Variants in SLC6A3 observed in about 807,000 individuals in gnomAD.
The protein encoded by SLC6A3 is solute carrier family 6 member 3, also known as sodium-dependent dopamine transporter.
In SLC6A3, 19 loss-of-function variants were observed where a neutral mutation model predicts 70.4. That is an observed-to-expected ratio of 0.27 (90% CI 0.19 to 0.40). The LOEUF is 0.40. SLC6A3 is among the 10% of genes least tolerant of loss of function. The probability of loss-of-function intolerance (pLI) is 1.00; values close to 1 mark genes in which losing one functional copy is unlikely to be tolerated. For missense variants in SLC6A3, 613 were observed against 838.5 expected (o/e 0.73, Z 3.32); for synonymous variants, 368 against 356.6 (o/e 1.03, Z -0.36).
At chr5:1,429,473 A>T (rs1212466429) in intron 4 of SLC6A3, among the ~76,000 whole-genome samples, 2 of 152,218 alleles carry the variant, frequency 1.3e-5, no homozygotes, top group African/African-American at 4.8e-5. Context: ...GAGAACTTCC[A>T]AATAGACTTC....
rs528215784 is a variant in SLC6A3 at position 1,422,399 on chromosome 5, C to T, written c.654-385G>A. On this transcript the variant is annotated intron_variant, in intron 4 of 14. Transcript: ENST00000270349. ...AGTGCTGCCCAAGGTGCTGGGTGCC[C>T]ACCGCTGCCCACGGTGCTGCCCACG... Among the ~76,000 whole-genome samples the T allele has an allele frequency of 2.7e-5, 4 of 147,386 alleles. No homozygotes were observed. The East Asian group carries it at 5.9e-4, about 22-fold the overall frequency.
Position 1,443,226 on chromosome 5 carries a change from G to A in SLC6A3, c.-29C>T, listed in dbSNP as rs1421466516. On this transcript the variant is annotated 5_prime_UTR_variant, in exon 2 of 15. Transcript: ENST00000270349. ...CACACTGGGAGTTGAGGAATTCTGT[G>A]CTTCTTCCCTCTTGGTCTTCAGCCA... 2.5e-6 allele frequency: 4 copies of A among 1,612,370 alleles called. No individual in the cohort carries two copies. The East Asian group carries it at 6.7e-5, about 27-fold the overall frequency.
At position 1,394,288 on chromosome 5, in the gene SLC6A3, A is replaced by G. The variant is rs1579694841; in HGVS notation, c.*447T>C. ...ACCAAGCAGGACACTTGGCTTTTTA[A>G]TATGGGCAAAGTAAATGGTCTAGGA... On this transcript the variant is annotated 3_prime_UTR_variant, in exon 15 of 15. Transcript: ENST00000270349. This position sits in a 1 kb window ranked among gnomAD's most constrained non-coding sequence, Gnocchi z 4.7. 4.3e-6 allele frequency: 1 copy of G among 233,246 alleles called. No individual in the cohort carries two copies. Among genetic ancestry groups the G allele is most frequent in the East Asian group, 9.8e-5 (1 of 10,166 alleles). The allele number at this position is 233,246 out of a possible 1,614,324, so 14.4% of individuals were successfully genotyped here.
intron 9 of SLC6A3, among the ~76,000 whole-genome samples, chr5:1,410,982 A>G (rs1756107823): frequency 6.6e-6 from 1 of 152,064 alleles, no homozygotes; most frequent in Non-Finnish European, 1.5e-5. Flanking sequence ...GCACATTTCC[A>G]GGATCTGTAG....
intron 6 of SLC6A3, chr5:1,416,572 C>G: frequency 3.4e-6 from 1 of 292,956 alleles, no homozygotes; most frequent in Non-Finnish European, 6.6e-6. Flanking sequence ...ACAGCACGGC[C>G]TCATCTACAC....
chr5:1,424,492 A>C (rs902713038), intron 4 of SLC6A3, among the ~76,000 whole-genome samples: 1 of 152,176 alleles, frequency 6.6e-6, no homozygotes, highest in Admixed American at 6.5e-5. Context: ...TGACCCCAGC[A>C]TGCCACCCGC....
At chr5:1,433,057 A>G (rs995494068) in intron 3 of SLC6A3, among the ~76,000 whole-genome samples, 1 of 151,786 alleles carries the variant, frequency 6.6e-6, no homozygotes. Context: ...CACCAAGGTC[A>G]CCCCCAGCCA....
chr5:1,400,188 G>A (rs1325238441), intron 14 of SLC6A3, among the ~76,000 whole-genome samples: 1 of 152,244 alleles, frequency 6.6e-6, no homozygotes, highest in African/African-American at 2.4e-5. Context: ...GGAGGACAGT[G>A]CCACAGGCCC....
rs1004511657 is a variant in SLC6A3, at chr5:1,424,796, G to A, written c.654-2782C>T. On this transcript the variant is annotated intron_variant, in intron 4 of 14. Coordinates refer to ENST00000270349, the MANE Select transcript of SLC6A3 (RefSeq NM_001044.5). ...GACACACTGGGTCGAGCCCCTTCTC[G>A]AGATTAGAAAGTCACTGTGCTTTGA... Among the ~76,000 whole-genome samples, 38 of 152,218 alleles carry A rather than the reference G, an allele frequency of 2.5e-4. 1 individual carries two copies. The highest frequency in any genetic ancestry group is 4.1e-4 in the South Asian group (2 of 4,832).
chr5:1,403,153 G>A (rs188163548), intron 12 of SLC6A3, 64 bp from the exon 13 acceptor site: 1 of 1,564,604 alleles, frequency 6.4e-7, no homozygotes, highest in African/African-American at 1.4e-5. Flanking sequence ...AAAGCAGGGA[G>A]CGGGCAGGCA....
Position 1,423,030 on chromosome 5 carries a change from A to G in SLC6A3, c.654-1016T>C, listed in dbSNP as rs147287979. Among the ~76,000 whole-genome samples, 39 of 36,800 alleles carry G rather than the reference A, an allele frequency of 1.1e-3. 2 individuals carry two copies. The highest frequency in any genetic ancestry group is 2.8e-3 in the Admixed American group (8 of 2,906). 24.1% of individuals were successfully genotyped at this position (36,800 alleles called of 152,430 possible). On this transcript the variant is annotated intron_variant, in intron 4 of 14. Coordinates refer to ENST00000270349, the MANE Select transcript of SLC6A3 (RefSeq NM_001044.5). ...CCCAGTGCTGCCCAAGGTGCTGGGT[A>G]CCCACCACTGCCCACAGTACTGCCC...
intron 4 of SLC6A3, among the ~76,000 whole-genome samples, chr5:1,430,774 G>A (rs1235995131): frequency 3.8e-5 from 1 of 26,406 alleles, no homozygotes; most frequent in East Asian, 6.5e-4. Context: ...TCCCCCAGCA[G>A]AGGCGAGGTG....
chr5:1,423,700 C>T (rs1277538168), intron 4 of SLC6A3, among the ~76,000 whole-genome samples: 2 of 152,214 alleles, frequency 1.3e-5, no homozygotes, highest in African/African-American at 4.8e-5. Flanking sequence ...GGAACTCATT[C>T]CATCCTGGTG....
In SLC6A3 at chr5:1,406,380, C is replaced by T. The variant is rs1415654824; in HGVS notation, c.1499-92G>A. On this transcript the variant is annotated intron_variant, in intron 11 of 14. Coordinates refer to ENST00000270349, the MANE Select transcript of SLC6A3 (RefSeq NM_001044.5). The surrounding 1 kb of genome is among the most constrained non-coding windows in gnomAD (Gnocchi z 8.8). Reference sequence around the variant, plus strand: ...GGGGGTCCTCGCTGACTCCCAAGGGCCCCACCTACCGGCCCCAGGCTTCGG... The same window carrying T: ...GGGGGTCCTCGCTGACTCCCAAGGGTCCCACCTACCGGCCCCAGGCTTCGG... 12 of 1,091,956 alleles carry T rather than the reference C, an allele frequency of 1.1e-5. No individual in the cohort carries two copies. The highest frequency in any genetic ancestry group is 1.6e-5 in the Non-Finnish European group (11 of 707,840). The allele number at this position is 1,091,956 out of a possible 1,614,324, so 67.6% of individuals were successfully genotyped here. A position where few individuals can be genotyped will look rare whatever the true frequency, so the allele number is the denominator to read the frequency against.
At chr5:1,434,615 G>A (rs1400224672) in intron 3 of SLC6A3, among the ~76,000 whole-genome samples, 1 of 134,576 alleles carries the variant, frequency 7.4e-6, no homozygotes, top group Non-Finnish European at 1.5e-5. Context: ...TAAGCTCCAG[G>A]AAGAATTTTT....
chr5:1,422,028 T>C lies in SLC6A3; in HGVS notation c.654-14A>G. On this transcript the variant is annotated splice_polypyrimidine_tract_variant and intron_variant, in intron 4 of 14. Transcript: ENST00000270349. ...AGCACGCCACGTCTGCAGAGGGGAG[T>C]CAGCGGGGGACTCTGTGGGTGGCTG... is the stretch of plus-strand genomic sequence containing the variant. The C allele has an allele frequency of 6.2e-7, 1 of 1,608,338 alleles. No individual in the cohort carries two copies.
Position 1,404,874 on chromosome 5 carries a change from G to C in SLC6A3, c.1599+1314C>G, listed in dbSNP as rs1755933574. 6.6e-6 allele frequency among the ~76,000 whole-genome samples: 1 copy of C among 152,244 alleles called. No homozygotes were observed. The highest frequency in any genetic ancestry group is 1.5e-5 in the Non-Finnish European group (1 of 68,044). ...TATGAAGTTCGAAGATTTAGTCTAA[G>C]ATCAGTAGAACATTTTATCTCCTAA... On this transcript the variant is annotated intron_variant, in intron 12 of 14. Transcript: ENST00000270349. The surrounding 1 kb of genome is among the most constrained non-coding windows in gnomAD (Gnocchi z 5.2).
intron 4 of SLC6A3, among the ~76,000 whole-genome samples, chr5:1,430,772 C>A (rs1317944716): frequency 3.2e-5 from 1 of 31,482 alleles, no homozygotes; most frequent in Non-Finnish European, 7.5e-5. Context: ...CCTCCCCCAG[C>A]AGAGGCGAGG....
chr5:1,426,569 CA>C, intron 4 of SLC6A3, among the ~76,000 whole-genome samples: 1 of 152,158 alleles, frequency 6.6e-6, no homozygotes, highest in South Asian at 2.1e-4. Context: ...AATGGATAAA[CA>C]AAACATGATA....
Sources: gnomAD v4.1 joint callset for allele counts (sites outside exome capture counted in the v4.1 genomes callset) on GRCh38, gnomAD v4.1.1 for gene constraint, Gnocchi (gnomAD v3.1) non-coding constraint, MANE v1.5 for transcripts, NCBI Gene and HGNC (gene_info 2026-07-23, HGNC 2026-07-21) for gene names.